The following CACNA1E variants were observed in gnomAD, a reference collection of about 807,000 sequenced individuals.
CACNA1E encodes voltage-dependent R-type calcium channel subunit alpha-1E.
Under a neutral mutation model 259.2 loss-of-function variants are expected in CACNA1E, and 40 were observed. That is an observed-to-expected ratio of 0.15 (90% CI 0.12 to 0.20). The LOEUF (loss-of-function observed/expected upper bound fraction) is 0.20. Ranked by LOEUF, CACNA1E falls within the 10% of genes least tolerant of loss-of-function variation. The probability of loss-of-function intolerance (pLI) is 1.00; values close to 1 mark genes in which losing one functional copy is unlikely to be tolerated. For missense variants in CACNA1E, 1,874 were observed against 3,040.1 expected (o/e 0.62, Z 9.02); for synonymous variants, 1,104 against 1,138.5 (o/e 0.97, Z 0.61).
Position 181,714,538 on chromosome 1 carries a change from G to T in CACNA1E, c.1172-800G>T, listed in dbSNP as rs143944270. On this transcript the variant is annotated intron_variant, in intron 8 of 47. Transcript: ENST00000367573. ...TCTCTAGTGCCCCTCCTCCCTAGAA[G>T]TGGGAGTAGGGGGAGGCTGAAAGTT... Among the ~76,000 whole-genome samples, 117 of 152,242 alleles carry T rather than the reference G, an allele frequency of 7.7e-4. 2 individuals carry two copies. In the South Asian group the frequency reaches 0.013, roughly 17 times the overall value.
intron 6 of CACNA1E, among the ~76,000 whole-genome samples, chr1:181,605,129 A>G (rs140459385): frequency 6.6e-6 from 1 of 152,318 alleles, no homozygotes; most frequent in East Asian, 1.9e-4. Flanking sequence ...GTGTGCATGC[A>G]TGCTCATACA....
chr1:181,420,690 A>G (rs1467125961), intron 2 of CACNA1E, among the ~76,000 whole-genome samples: 5 of 152,222 alleles, frequency 3.3e-5, no homozygotes, highest in African/African-American at 7.2e-5. Flanking sequence ...ATTTATTCTA[A>G]TGGAAATAAT....
chr1:181,768,633 CT>C (rs1659226817), intron 35 of CACNA1E, among the ~76,000 whole-genome samples: 1 of 152,178 alleles, frequency 6.6e-6, no homozygotes, highest in South Asian at 2.1e-4. Context: ...AAATTGTAGT[CT>C]TCACAATAAC....
At chr1:181,388,138 G>C (rs914536182) in intron 1 of CACNA1E, among the ~76,000 whole-genome samples, 1 of 152,190 alleles carries the variant, frequency 6.6e-6, no homozygotes, top group Non-Finnish European at 1.5e-5. Context: ...GGTCTTAGCA[G>C]AGCAGCCAGA....
chr1:181,364,347 G>A (rs896487763), intron 1 of CACNA1E, among the ~76,000 whole-genome samples: 1 of 152,098 alleles, frequency 6.6e-6, no homozygotes, highest in Admixed American at 6.5e-5. Context: ...ATTGTCTCTT[G>A]TCCTTAGAAT....
At chr1:181,573,466 C>G (rs1035483761) in intron 3 of CACNA1E, among the ~76,000 whole-genome samples, 8 of 152,188 alleles carry the variant, frequency 5.3e-5, no homozygotes, top group Non-Finnish European at 1.2e-4. Context: ...TGCTAGGAGG[C>G]AAGTCTTTAA....
chr1:181,780,230 C>T (rs1174590176), intron 38 of CACNA1E, among the ~76,000 whole-genome samples: 3 of 152,162 alleles, frequency 2.0e-5, no homozygotes, highest in African/African-American at 7.2e-5. Context: ...AGAGTCCCTA[C>T]CTTAGGGTCC....
At chr1:181,407,586 T>C (rs552487498) in intron 1 of CACNA1E, among the ~76,000 whole-genome samples, 1 of 152,224 alleles carries the variant, frequency 6.6e-6, no homozygotes, top group South Asian at 2.1e-4. Context: ...ATGGTTCTGA[T>C]GTACATTAGA....
chr1:181,432,639 G>C (rs1659798992), intron 2 of CACNA1E, among the ~76,000 whole-genome samples: 1 of 152,108 alleles, frequency 6.6e-6, no homozygotes, highest in African/African-American at 2.4e-5. Context: ...TGATGTGTAT[G>C]TTGGGTGAGG....
At chr1:181,390,818 T>A (rs1656214467) in intron 1 of CACNA1E, among the ~76,000 whole-genome samples, 1 of 152,178 alleles carries the variant, frequency 6.6e-6, no homozygotes, top group South Asian at 2.1e-4. Flanking sequence ...GATGGACATG[T>A]AACTATGTAA....
At chr1:181,535,634 T>A (rs56391831) in intron 3 of CACNA1E, among the ~76,000 whole-genome samples, 19,407 of 152,032 alleles carry the variant, frequency 0.13, 1,357 homozygotes, top group South Asian at 0.16. Context: ...ACCACTCGAT[T>A]GTTGTCTTTT....
At chr1:181,742,737 T>G (rs932299611) in intron 25 of CACNA1E, among the ~76,000 whole-genome samples, 1 of 152,194 alleles carries the variant, frequency 6.6e-6, no homozygotes, top group African/African-American at 2.4e-5. Flanking sequence ...CCCTGAGCCC[T>G]CCTGCCGAGG....
intron 1 of CACNA1E, among the ~76,000 whole-genome samples, chr1:181,502,548 G>A (rs908134599): frequency 6.6e-5 from 10 of 152,182 alleles, no homozygotes; most frequent in African/African-American, 1.9e-4. Flanking sequence ...GGAGCGGCTT[G>A]CTGAGAGGCA....
At chr1:181,451,068 G>T (rs1661125019) in intron 2 of CACNA1E, among the ~76,000 whole-genome samples, 1 of 152,212 alleles carries the variant, frequency 6.6e-6, no homozygotes, top group Non-Finnish European at 1.5e-5. Context: ...AAGTGTGGAG[G>T]CATGGGGTGG....
At chr1:181,751,829 G>T (rs1417981491) in intron 26 of CACNA1E, among the ~76,000 whole-genome samples, 1 of 152,176 alleles carries the variant, frequency 6.6e-6, no homozygotes, top group East Asian at 1.9e-4. Flanking sequence ...AGTTAGGGAA[G>T]GAAGTGTTTA....
chr1:181,330,388 C>A (rs1651165732), intron 1 of CACNA1E, among the ~76,000 whole-genome samples: 1 of 152,136 alleles, frequency 6.6e-6, no homozygotes, highest in Non-Finnish European at 1.5e-5. Flanking sequence ...TAGGCTGAAG[C>A]ACCTCAGAAA....
intron 41 of CACNA1E, 57 bp downstream of exon 41, chr1:181,784,825 G>GTCTT: frequency 9.7e-7 from 1 of 1,026,964 alleles, no homozygotes; most frequent in Non-Finnish European, 1.5e-6. Context: ...TGAAGACTAC[G>GTCTT]TCTTTGGGGG....
At chr1:181,555,291 G>A (rs1160196512) in intron 3 of CACNA1E, among the ~76,000 whole-genome samples, 1 of 152,154 alleles carries the variant, frequency 6.6e-6, no homozygotes, top group Non-Finnish European at 1.5e-5. Flanking sequence ...TTGTGCTTGA[G>A]GTGGAAGAAA....
intron 3 of CACNA1E, among the ~76,000 whole-genome samples, chr1:181,525,922 G>T (rs1023759251): frequency 2.6e-5 from 4 of 152,114 alleles, no homozygotes; most frequent in African/African-American, 7.2e-5. Context: ...AGGCCAGTTT[G>T]GTCTCAGGTT....
Sources: gnomAD v4.1 joint callset for allele counts (sites outside exome capture counted in the v4.1 genomes callset) on GRCh38, gnomAD v4.1.1 for gene constraint, MANE v1.5 for transcripts, NCBI Gene and HGNC (gene_info 2026-07-23, HGNC 2026-07-21) for gene names.